The following MYO16 variants were observed in gnomAD, a reference collection of about 807,000 sequenced individuals.
MYO16 encodes the protein unconventional myosin-XVI.
MYO16 carries 94 observed loss-of-function variants against 205.3 expected under a neutral mutation model. That is an observed-to-expected ratio of 0.46 (90% CI 0.39 to 0.54). The LOEUF (loss-of-function observed/expected upper bound fraction) is 0.54. Ranked by LOEUF, MYO16 falls within the 20% of genes least tolerant of loss-of-function variation. The pLI is 0.00. For missense variants in MYO16, 2,315 were observed against 2,387.5 expected (o/e 0.97, Z 0.63); for synonymous variants, 988 against 954.0 (o/e 1.04, Z -0.66).
chr13:108,764,273 T>C (rs1332828167), intron 4 of MYO16, among the ~76,000 whole-genome samples: 2 of 152,206 alleles, frequency 1.3e-5, no homozygotes, highest in Admixed American at 6.5e-5. Context: ...GTTGGTGCCA[T>C]AATGTGGTAG....
At chr13:108,776,278 C>T (rs1360009661) in intron 4 of MYO16, among the ~76,000 whole-genome samples, 1 of 152,086 alleles carries the variant, frequency 6.6e-6, no homozygotes, top group Admixed American at 6.5e-5. Context: ...ATTGGGAAGT[C>T]AGGGGCATCC....
Position 109,182,731 on chromosome 13 carries a change from AGGGCTGGAG to A in MYO16, c.5415+3099_5415+3107del, listed in dbSNP as rs1879506448. ...AAATAGATGCAAAACATTTTCTGAT[AGGGCTGGAG>A]CCTTAATATACGGTGGTTGTTTATG... On this transcript the variant is annotated intron_variant, in intron 34 of 34. Transcript: ENST00000457511. Among the ~76,000 whole-genome samples the A allele has an allele frequency of 2.6e-5, 4 of 152,364 alleles. No individual in the cohort carries two copies. The South Asian group carries it at 8.3e-4, about 32-fold the overall frequency.
At chr13:109,190,468 T>C (rs1250547383) in intron 34 of MYO16, among the ~76,000 whole-genome samples, 2 of 152,220 alleles carry the variant, frequency 1.3e-5, no homozygotes, top group African/African-American at 4.8e-5. Flanking sequence ...GAGAGTGCAT[T>C]AAATGCATCT....
At chr13:109,088,419 C>T (rs1031203562) in intron 27 of MYO16, among the ~76,000 whole-genome samples, 1 of 152,152 alleles carries the variant, frequency 6.6e-6, no homozygotes, top group African/African-American at 2.4e-5. Flanking sequence ...TAAAATGAAA[C>T]GGTGGGACCA....
At chr13:109,178,710 A>G (rs1467623938) in intron 33 of MYO16, among the ~76,000 whole-genome samples, 4 of 152,106 alleles carry the variant, frequency 2.6e-5, no homozygotes, top group Non-Finnish European at 5.9e-5. Flanking sequence ...TTGCCCTCCA[A>G]GGAACTTTTG....
At chr13:108,510,361 T>C in the MYO16 span, among the ~76,000 whole-genome samples, 2 of 148,614 alleles carry the variant, frequency 1.3e-5, no homozygotes, top group African/African-American at 5.0e-5. Context: ...TTGTGATCCA[T>C]CCTCCTTGGC....
intron 10 of MYO16, among the ~76,000 whole-genome samples, chr13:108,846,629 C>T (rs1162499471): frequency 1.3e-5 from 2 of 151,862 alleles, no homozygotes; most frequent in African/African-American, 2.4e-5. Context: ...GTGTGACTGA[C>T]AATTGAACAC....
At chr13:108,719,645 T>A (rs1884085412) in intron 3 of MYO16, among the ~76,000 whole-genome samples, 1 of 152,194 alleles carries the variant, frequency 6.6e-6, no homozygotes, top group South Asian at 2.1e-4. Context: ...GATATATGAA[T>A]GTCTCACCCC....
intron 1 of MYO16, among the ~76,000 whole-genome samples, chr13:108,641,120 T>A (rs1880485185): frequency 6.6e-6 from 1 of 152,190 alleles, no homozygotes; most frequent in Non-Finnish European, 1.5e-5. Context: ...TCCACATATA[T>A]TTGTGGTTGC....
At chr13:108,711,635 T>C (rs776670814) in intron 2 of MYO16, among the ~76,000 whole-genome samples, 3 of 152,196 alleles carry the variant, frequency 2.0e-5, no homozygotes, top group Non-Finnish European at 4.4e-5. Flanking sequence ...TTCTGTGATA[T>C]GCAGTGAGAT....
At chr13:108,545,182 G>T in the MYO16 span, among the ~76,000 whole-genome samples, 6 of 151,976 alleles carry the variant, frequency 3.9e-5, no homozygotes, top group African/African-American at 1.5e-4. Context: ...GGGAGGCCCC[G>T]TGTCTGTTGT....
chr13:109,198,188 A>T (rs1880240731), intron 34 of MYO16, among the ~76,000 whole-genome samples: 1 of 152,118 alleles, frequency 6.6e-6, no homozygotes, highest in African/African-American at 2.4e-5. Context: ...GACATAAAAA[A>T]ATCTCATTGA....
intron 1 of MYO16, among the ~76,000 whole-genome samples, chr13:108,617,873 C>G (rs1390744898): frequency 6.6e-6 from 1 of 152,082 alleles, no homozygotes; most frequent in African/African-American, 2.4e-5. Context: ...TTGTCTTTCC[C>G]TTACACCATC....
intron 12 of MYO16, among the ~76,000 whole-genome samples, chr13:108,877,709 G>A (rs1879391496): frequency 6.6e-6 from 1 of 152,088 alleles, no homozygotes; most frequent in Non-Finnish European, 1.5e-5. Flanking sequence ...TTTTTAAATT[G>A]ATTTGTAGGA....
chr13:108,738,056 C>A (rs2139605917), intron 4 of MYO16, among the ~76,000 whole-genome samples: 1 of 152,184 alleles, frequency 6.6e-6, no homozygotes, highest in East Asian at 1.9e-4. Flanking sequence ...AGTGGTCTAT[C>A]AATTTTGTTG....
intron 23 of MYO16, among the ~76,000 whole-genome samples, chr13:109,023,764 T>C (rs1054061297): frequency 5.1e-4 from 40 of 79,034 alleles, no homozygotes; most frequent in Admixed American, 1.5e-4. Flanking sequence ...TATACAAATA[T>C]GTTTTTATAT....
intron 9 of MYO16, among the ~76,000 whole-genome samples, chr13:108,827,741 G>A (rs961816845): frequency 6.6e-6 from 1 of 152,098 alleles, no homozygotes; most frequent in African/African-American, 2.4e-5. Flanking sequence ...CCTCCTCTCT[G>A]TGTTGCCTTT....
At position 108,707,903 on chromosome 13, in the gene MYO16, T is replaced by C. The variant is rs75329862; in HGVS notation, c.293-4758T>C. Among the ~76,000 whole-genome samples, 1,342 of 152,230 alleles carry C rather than the reference T, an allele frequency of 8.8e-3. 21 individuals carry two copies. The highest frequency in any genetic ancestry group is 0.03 in the African/African-American group (1,253 of 41,526). The stretch of plus-strand genomic sequence containing the variant: ...GGATTGAAGAGATGGGACTAGGGCC[T>C]GATTCTAATGGGGGCAGAAATAGCT... On this transcript the variant is annotated intron_variant, in intron 2 of 34. Transcript: ENST00000457511.
At chr13:109,014,085 T>A (rs1885716427) in intron 22 of MYO16, among the ~76,000 whole-genome samples, 1 of 152,128 alleles carries the variant, frequency 6.6e-6, no homozygotes, top group Non-Finnish European at 1.5e-5. Context: ...TCTTCTAGGG[T>A]TTTTATGGTT....
Sources: gnomAD v4.1 joint callset for allele counts (sites outside exome capture counted in the v4.1 genomes callset) on GRCh38, gnomAD v4.1.1 for gene constraint, MANE v1.5 for transcripts, NCBI Gene and HGNC (gene_info 2026-07-23, HGNC 2026-07-21) for gene names.